VAPB: variants seen among roughly 807,000 people sequenced by gnomAD.
VAPB encodes vesicle-associated membrane protein-associated protein B/C.
VAPB carries 7 observed loss-of-function variants against 25.6 expected under a neutral mutation model. That is an observed-to-expected ratio of 0.27 (90% CI 0.16 to 0.51). The LOEUF is 0.51. Among genes scored for constraint, VAPB ranks in the 20% least tolerant of loss-of-function variants. VAPB has a pLI of 0.97. For missense variants in VAPB, 266 were observed against 301.3 expected (o/e 0.88, Z 0.87); for synonymous variants, 112 against 109.2 (o/e 1.03, Z -0.16).
In VAPB at chr20:58,426,836, C is replaced by T. The variant is rs117621542; in HGVS notation, c.212-7766C>T. On this transcript the variant is annotated intron_variant, in intron 2 of 5. Transcript: ENST00000475243. ...TGGGCCTCAGCTGAGATTGTGGGCA[C>T]GTAAAATGTGGAGAGAGAGATTTCG... is the stretch of plus-strand genomic sequence containing the variant. Among the ~76,000 whole-genome samples, 155 of 151,684 alleles carry T rather than the reference C, an allele frequency of 1.0e-3. 3 individuals are homozygous for T. The East Asian group carries it at 0.022, about 21-fold the overall frequency.
intron 1 of VAPB, among the ~76,000 whole-genome samples, chr20:58,400,605 T>C (rs2300761): frequency 1.3e-5 from 2 of 152,284 alleles, no homozygotes; most frequent in South Asian, 4.1e-4. Context: ...TGTAAGCTCC[T>C]ATAGGTTTTT....
chr20:58,426,383 A>G (rs959516337), intron 2 of VAPB, among the ~76,000 whole-genome samples: 1 of 152,190 alleles, frequency 6.6e-6, no homozygotes, highest in Non-Finnish European at 1.5e-5. Flanking sequence ...GAGTTCTGTT[A>G]GTGGATTCAG....
At chr20:58,426,918 C>CT (rs2123073378) in intron 2 of VAPB, among the ~76,000 whole-genome samples, 1 of 152,290 alleles carries the variant, frequency 6.6e-6, no homozygotes, top group African/African-American at 2.4e-5. Context: ...ACTTGTTAGA[C>CT]TTTATTTGCT....
At position 58,449,107 on chromosome 20, in the gene VAPB, A is replaced by G; in HGVS notation, c.*4872A>G. 2.2e-6 allele frequency: 1 copy of G among 454,144 alleles called. No individual in the cohort carries two copies. The allele number at this position is 454,144 out of a possible 1,614,324, so 28.1% of individuals were successfully genotyped here. A position where few individuals can be genotyped will look rare whatever the true frequency, so the allele number is the denominator to read the frequency against. Reference sequence around the variant, plus strand: ...ATAGAAGCCCCTGATAAGGAGCGTCAGCCGACAGGCAAGCTTGGGAGGCTG... The same window carrying G: ...ATAGAAGCCCCTGATAAGGAGCGTCGGCCGACAGGCAAGCTTGGGAGGCTG... On this transcript the variant is annotated 3_prime_UTR_variant, in exon 6 of 6. Coordinates refer to ENST00000475243, the MANE Select transcript of VAPB (RefSeq NM_004738.5).
rs1989265775 is a variant in VAPB, at chr20:58,445,591, A to G, written c.*1356A>G. On this transcript the variant is annotated 3_prime_UTR_variant, in exon 6 of 6. Transcript: ENST00000475243. ...TTGTCACATTTGCTCTATGGGGGGA[A>G]TTATTATTTTATCATTTTTATTATT... 1 of 454,200 alleles carries G rather than the reference A, an allele frequency of 2.2e-6. No homozygotes were observed. The highest frequency in any genetic ancestry group is 2.0e-5 in the African/African-American group (1 of 49,954). The allele number at this position is 454,200 out of a possible 1,614,324, so 28.1% of individuals were successfully genotyped here.
At chr20:58,428,043 T>C (rs1308483513) in intron 2 of VAPB, among the ~76,000 whole-genome samples, 1 of 152,240 alleles carries the variant, frequency 6.6e-6, no homozygotes, top group Non-Finnish European at 1.5e-5. Flanking sequence ...GCGAAAGTGA[T>C]CTGTGATTTG....
chr20:58,395,039 G>A (rs1600769085), intron 1 of VAPB, among the ~76,000 whole-genome samples: 1 of 152,282 alleles, frequency 6.6e-6, no homozygotes, highest in Non-Finnish European at 1.5e-5. Flanking sequence ...TTGAAAATTA[G>A]GGGAGGAGTC....
At chr20:58,424,458 CGGG>C (rs1988742242) in intron 2 of VAPB, among the ~76,000 whole-genome samples, 1 of 151,692 alleles carries the variant, frequency 6.6e-6, no homozygotes. Flanking sequence ...CCTTAAGCCT[CGGG>C]GAATTGTTCT....
At chr20:58,416,953 T>G (rs1988553993) in intron 1 of VAPB, among the ~76,000 whole-genome samples, 1 of 152,222 alleles carries the variant, frequency 6.6e-6, no homozygotes, top group South Asian at 2.1e-4. Context: ...TCTCAGGAGC[T>G]TAGAGTCTCA....
At chr20:58,431,699 C>T (rs1988932779) in intron 2 of VAPB, among the ~76,000 whole-genome samples, 1 of 152,042 alleles carries the variant, frequency 6.6e-6, no homozygotes, top group South Asian at 2.1e-4. Context: ...ATCTCAGCCT[C>T]TCAAGTAGCT....
rs1330443103 is a variant in VAPB, at chr20:58,449,170, C to T, written c.*4935C>T. ...TGCCCCCAGCTTCACAGACCTCTTC[C>T]TCCAGCCTCTGAATCCCATTAGCCA... On this transcript the variant is annotated 3_prime_UTR_variant, in exon 6 of 6. Coordinates refer to ENST00000475243, the MANE Select transcript of VAPB (RefSeq NM_004738.5). 4.4e-6 allele frequency: 2 copies of T among 454,026 alleles called. No individual in the cohort carries two copies. Among genetic ancestry groups the T allele is most frequent in the African/African-American group, 2.0e-5 (1 of 50,012 alleles). The allele number at this position is 454,026 out of a possible 1,614,324, so 28.1% of individuals were successfully genotyped here. A position where few individuals can be genotyped will look rare whatever the true frequency, so the allele number is the denominator to read the frequency against.
intron 1 of VAPB, among the ~76,000 whole-genome samples, chr20:58,414,454 C>T (rs1988480628): frequency 6.6e-6 from 1 of 151,194 alleles, no homozygotes; most frequent in African/African-American, 2.4e-5. Flanking sequence ...CGGAGGGTCT[C>T]CCCACTCCTC....
chr20:58,417,044 C>T (rs1988556170), intron 1 of VAPB, among the ~76,000 whole-genome samples: 1 of 152,350 alleles, frequency 6.6e-6, no homozygotes, highest in South Asian at 2.1e-4. Flanking sequence ...CATAAGCGCA[C>T]ACCCTTTCCC....
chr20:58,413,286 G>A (rs945549763), intron 1 of VAPB, among the ~76,000 whole-genome samples: 2 of 151,672 alleles, frequency 1.3e-5, no homozygotes, highest in African/African-American at 4.8e-5. Context: ...CTAGGCAGAG[G>A]ACCCTGCGGC....
At chr20:58,428,502 T>C (rs1212806771) in intron 2 of VAPB, among the ~76,000 whole-genome samples, 2 of 152,146 alleles carry the variant, frequency 1.3e-5, no homozygotes, top group South Asian at 2.1e-4. Context: ...AAAATGAAGA[T>C]GCAGCTGGGC....
Position 58,444,119 on chromosome 20 carries a change from A to G in VAPB, c.616A>G (p.Ser206Gly). ...GATGAGGAAGACAGTGCAGAGCAAC[A>G]GCCCCATTTCAGCATTAGCCCCAAC... ...LRMRKTVQSNSPISALAPTGK... is the reference protein window; with the variant it reads ...LRMRKTVQSNGPISALAPTGK... Residue 206 changes from serine to glycine, a missense_variant, in exon 6 of 6, where the codon AGC becomes GGC. By Grantham distance (56) the Ser-to-Gly change is moderately conservative (BLOSUM62 0). Around this residue, in one of 3 missense-constraint regions of VAPB, gnomAD observed 136 missense variants for 130.7 expected, o/e 1.04. Coordinates refer to ENST00000475243, the MANE Select transcript of VAPB (RefSeq NM_004738.5). 6.2e-7 allele frequency: 1 copy of G among 1,614,232 alleles called. No homozygotes were observed. The highest frequency in any genetic ancestry group is 8.5e-7 in the Non-Finnish European group (1 of 1,180,030).
chr20:58,391,794 A>G (rs1168954668), intron 1 of VAPB, among the ~76,000 whole-genome samples: 2 of 152,138 alleles, frequency 1.3e-5, no homozygotes, highest in Non-Finnish European at 2.9e-5. Context: ...TGGCCTCTCA[A>G]AGTGCTGGGA....
At chr20:58,403,724 A>C (rs1009089486) in intron 1 of VAPB, among the ~76,000 whole-genome samples, 1 of 152,118 alleles carries the variant, frequency 6.6e-6, no homozygotes, top group East Asian at 1.9e-4. Flanking sequence ...AAAACTTCCA[A>C]ATCTCTATCT....
intron 1 of VAPB, among the ~76,000 whole-genome samples, chr20:58,403,165 G>C (rs1395671628): frequency 6.6e-6 from 1 of 152,200 alleles, no homozygotes; most frequent in Non-Finnish European, 1.5e-5. Flanking sequence ...TCCACTAAAT[G>C]CTGGTTGCTT....
Sources: gnomAD v4.1 joint callset for allele counts (sites outside exome capture counted in the v4.1 genomes callset) on GRCh38, gnomAD v4.1.1 for gene constraint, gnomAD v4.1.1 regional missense constraint, MANE v1.5 for transcripts, NCBI Gene and HGNC (gene_info 2026-07-23, HGNC 2026-07-21) for gene names.